Variants in CCDC88A observed in about 807,000 individuals in gnomAD.
CCDC88A encodes girdin.
Under a neutral mutation model 234.3 loss-of-function variants are expected in CCDC88A, and 54 were observed. The observed-to-expected ratio is 0.23, with a 90% CI of 0.19 to 0.29. CCDC88A has a LOEUF of 0.29. Among genes scored for constraint, CCDC88A ranks in the 10% least tolerant of loss-of-function variants. The pLI is 1.00. For missense variants in CCDC88A, 1,832 were observed against 2,123.4 expected (o/e 0.86, Z 2.70); for synonymous variants, 753 against 737.8 (o/e 1.02, Z -0.33).
chr2:55,322,385 T>C, intron 18 of CCDC88A, 143 bp downstream of exon 18: 2 of 418,208 alleles, frequency 4.8e-6, no homozygotes, highest in Admixed American at 1.2e-4. Context: ...TAGGAACAAA[T>C]AGAAAAAGGA....
At chr2:55,358,308 T>G (rs761970438) in intron 7 of CCDC88A, among the ~76,000 whole-genome samples, 1 of 152,200 alleles carries the variant, frequency 6.6e-6, no homozygotes. Context: ...ACCAATGATA[T>G]GGATAGCAGA....
intron 2 of CCDC88A, among the ~76,000 whole-genome samples, chr2:55,410,874 G>C (rs1166124896): frequency 2.0e-5 from 3 of 147,370 alleles, no homozygotes; most frequent in Non-Finnish European, 3.0e-5. Flanking sequence ...GTCTCGGCAA[G>C]AGAGAGAGGC....
At chr2:55,304,965 G>A (rs1013504292) in intron 25 of CCDC88A, among the ~76,000 whole-genome samples, 3 of 152,166 alleles carry the variant, frequency 2.0e-5, no homozygotes, top group African/African-American at 7.2e-5. Context: ...AGAGTGCAAT[G>A]GACATATAGC....
At position 55,399,653 on chromosome 2, in the gene CCDC88A, ATTTT is replaced by A. The variant is rs779821572; in HGVS notation, c.165-10771_165-10768del. ...AATTAATTTTTTAAGCACGTAAAAC[ATTTT>A]TTAAGGACTTTTTATTGTTTCATGA... On this transcript the variant is annotated intron_variant, in intron 2 of 32. Coordinates refer to ENST00000436346, the MANE Select transcript of CCDC88A (RefSeq NM_001365480.1). 2.6e-5 allele frequency: 4 copies of A among 152,120 alleles called. No individual in the cohort carries two copies. In the East Asian group the frequency reaches 7.7e-4, roughly 29 times the overall value. The allele number at this position is 152,120 out of a possible 1,614,324, so 9.4% of individuals were successfully genotyped here. A position where few individuals can be genotyped will look rare whatever the true frequency, so the allele number is the denominator to read the frequency against.
intron 13 of CCDC88A, among the ~76,000 whole-genome samples, chr2:55,338,229 A>C (rs1424609604): frequency 6.6e-6 from 1 of 152,208 alleles, no homozygotes; most frequent in Non-Finnish European, 1.5e-5. Flanking sequence ...TGGTCATCCT[A>C]CTTTAACACT....
intron 3 of CCDC88A, among the ~76,000 whole-genome samples, chr2:55,386,526 C>T (rs1675677670): frequency 7.1e-6 from 1 of 141,132 alleles, no homozygotes; most frequent in East Asian, 2.0e-4. Flanking sequence ...GGCTGGAGTG[C>T]AACAGCATGA....
chr2:55,398,376 T>C (rs976259448), intron 2 of CCDC88A, among the ~76,000 whole-genome samples: 1 of 152,224 alleles, frequency 6.6e-6, no homozygotes, highest in Non-Finnish European at 1.5e-5. Context: ...TATTATATCA[T>C]TATCTATTAC....
intron 13 of CCDC88A, 155 bp from the exon 14 acceptor site, chr2:55,336,973 C>A (rs1380676909): frequency 6.0e-6 from 3 of 501,682 alleles, no homozygotes; most frequent in Admixed American, 4.1e-5. Flanking sequence ...AGTAGCATTC[C>A]ATGCTAATTT....
chr2:55,381,921 C>T (rs924129431), intron 3 of CCDC88A, among the ~76,000 whole-genome samples: 2 of 152,096 alleles, frequency 1.3e-5, no homozygotes, highest in South Asian at 2.1e-4. Flanking sequence ...TTTTGAGACT[C>T]GTATAATCTA....
In CCDC88A at chr2:55,395,539, T is replaced by A. The variant is rs1281335169; in HGVS notation, c.165-6653A>T. ...CATATCTTCTTATTCATGTTTTTATTTCTAAAAATTACCATATTTCCTAAC... is the reference window on the plus strand; with the variant it reads ...CATATCTTCTTATTCATGTTTTTATATCTAAAAATTACCATATTTCCTAAC... On this transcript the variant is annotated intron_variant, in intron 2 of 32. Coordinates refer to ENST00000436346, the MANE Select transcript of CCDC88A (RefSeq NM_001365480.1). 2.6e-5 allele frequency among the ~76,000 whole-genome samples: 4 copies of A among 152,214 alleles called. No individual in the cohort carries two copies. The East Asian group carries it at 7.7e-4, about 29-fold the overall frequency.
rs150978572 is a variant in CCDC88A at position 55,302,043 on chromosome 2, G to C, written c.4501C>G (p.Leu1501Val). Residue 1501 changes from leucine (L) to valine (V), a missense_variant, in exon 27 of 33, where the codon CTA (leucine) becomes GTA (valine). By Grantham distance (32) the Leu-to-Val change is conservative (BLOSUM62 1). Transcript: ENST00000436346. ...SMNDLVQSMV[L>V]AGQWTGSTEN... ...GTACTACCTGTCCACTGTCCTGCTA[G>C]GACCATGGACTGCACCAGGTCATTC... 1,370 of 1,614,060 alleles carry C rather than the reference G, an allele frequency of 8.5e-4. 24 individuals carry two copies. The African/African-American group carries it at 0.017, about 20-fold the overall frequency.
intron 9 of CCDC88A, chr2:55,348,762 A>C (rs1018174400): frequency 6.6e-6 from 1 of 152,212 alleles, no homozygotes; most frequent in African/African-American, 2.4e-5. Context: ...CGTAAAAAAA[A>C]CCCTGCTGCC....
chr2:55,362,142 T>C (rs371150677), intron 7 of CCDC88A, 166 bp downstream of exon 7: 4 of 479,922 alleles, frequency 8.3e-6, no homozygotes, highest in East Asian at 3.5e-5. Flanking sequence ...TACTAGCAAT[T>C]TGGGGTTCTT....
Position 55,419,001 on chromosome 2 carries a change from A to C in CCDC88A, c.63+16T>G, listed in dbSNP as rs770248741. ...AATAACTCAGCAAAATATACAATAAAGGACACCCCACTTACCCAAGTGACC... is the reference window on the plus strand; with the variant it reads ...AATAACTCAGCAAAATATACAATAACGGACACCCCACTTACCCAAGTGACC... On this transcript the variant is annotated intron_variant, in intron 1 of 32. Transcript: ENST00000436346. 6.2e-7 allele frequency: 1 copy of C among 1,609,104 alleles called. No individual in the cohort carries two copies. Among genetic ancestry groups the C allele is most frequent in the South Asian group, 1.1e-5 (1 of 90,982 alleles).
chr2:55,401,434 C>CAAAAAAAAAAAAAAA (rs1174693653), intron 2 of CCDC88A, among the ~76,000 whole-genome samples: 1 of 45,806 alleles, frequency 2.2e-5, no homozygotes, highest in Non-Finnish European at 4.1e-5. Flanking sequence ...ACTCTGTCTC[C>CAAAAAAAAAAAAAAA]AAAAAAAAAA....
At chr2:55,366,256 T>C (rs1671931419) in intron 5 of CCDC88A, among the ~76,000 whole-genome samples, 1 of 152,160 alleles carries the variant, frequency 6.6e-6, no homozygotes, top group Non-Finnish European at 1.5e-5. Context: ...CCAGGCGTGA[T>C]GGCTCAAGCC....
chr2:55,400,170 TAATA>T (rs1251064309), intron 2 of CCDC88A, among the ~76,000 whole-genome samples: 1 of 152,212 alleles, frequency 6.6e-6, no homozygotes, highest in East Asian at 1.9e-4. Context: ...TAATCACAAT[TAATA>T]AAGTTTTTAT....
intron 18 of CCDC88A, among the ~76,000 whole-genome samples, chr2:55,320,457 T>C (rs1004848457): frequency 6.6e-6 from 1 of 152,180 alleles, no homozygotes; most frequent in African/African-American, 2.4e-5. Context: ...ATTATATGGC[T>C]AACCGTCTTT....
At chr2:55,351,592 T>C (rs1669894763) in intron 8 of CCDC88A, among the ~76,000 whole-genome samples, 1 of 152,208 alleles carries the variant, frequency 6.6e-6, no homozygotes, top group South Asian at 2.1e-4. Flanking sequence ...GCAATCCTCT[T>C]GCCTCAGCCT....
Sources: gnomAD v4.1 joint callset for allele counts (sites outside exome capture counted in the v4.1 genomes callset) on GRCh38, gnomAD v4.1.1 for gene constraint, MANE v1.5 for transcripts, NCBI Gene and HGNC (gene_info 2026-07-23, HGNC 2026-07-21) for gene names.